RNF43: variants seen among roughly 807,000 people sequenced by gnomAD.
RNF43 encodes ring finger protein 43, also known as E3 ubiquitin-protein ligase RNF43.
Under a neutral mutation model 78.4 loss-of-function variants are expected in RNF43, and 37 were observed. The ratio of observed to expected loss-of-function variants is 0.47; its 90% CI spans 0.36 to 0.62. The LOEUF is 0.62. RNF43 is among the 20% of genes least tolerant of loss of function. RNF43 has a pLI of 0.00. For missense variants in RNF43, 774 were observed against 1,007.9 expected (o/e 0.77, Z 3.14); for synonymous variants, 347 against 395.0 (o/e 0.88, Z 1.44).
chr17:58,367,086 C>T (rs1158083436), intron 3 of RNF43, among the ~76,000 whole-genome samples: 4 of 149,478 alleles, frequency 2.7e-5, no homozygotes, highest in Admixed American at 6.7e-5. Flanking sequence ...CTGCAACTGC[C>T]GCCTCCTGGG....
chr17:58,406,462 G>A (rs1489377675), intron 2 of RNF43, among the ~76,000 whole-genome samples: 2 of 152,064 alleles, frequency 1.3e-5, no homozygotes, highest in Admixed American at 1.3e-4. Context: ...TTTCACAAAT[G>A]GAATATTCTG....
intron 3 of RNF43, among the ~76,000 whole-genome samples, chr17:58,365,758 T>C (rs568378241): frequency 6.6e-6 from 1 of 152,236 alleles, no homozygotes; most frequent in South Asian, 2.1e-4. Context: ...ATTTGGGTAC[T>C]GGAATTTGGA....
chr17:58,372,837 G>A (rs890366300), intron 2 of RNF43, among the ~76,000 whole-genome samples: 2 of 152,134 alleles, frequency 1.3e-5, no homozygotes, highest in African/African-American at 4.8e-5. Context: ...CGGGGTTGGG[G>A]AGCCACATTC....
intron 2 of RNF43, among the ~76,000 whole-genome samples, chr17:58,410,588 ACT>A (rs1974009203): frequency 6.6e-6 from 1 of 152,044 alleles, no homozygotes; most frequent in Non-Finnish European, 1.5e-5. Context: ...CATAGAAGGA[ACT>A]CTAACTTGAG....
intron 2 of RNF43, among the ~76,000 whole-genome samples, chr17:58,402,088 T>C (rs545118114): frequency 2.4e-4 from 37 of 152,334 alleles, no homozygotes; most frequent in African/African-American, 8.4e-4. Flanking sequence ...GTGGCAAAGA[T>C]AGACAATTGA....
At chr17:58,362,359 G>C (rs1408197868) in intron 6 of RNF43, among the ~76,000 whole-genome samples, 185 bp downstream of exon 6, 1 of 152,134 alleles carries the variant, frequency 6.6e-6, no homozygotes, top group Non-Finnish European at 1.5e-5. Context: ...TGGTGTATTT[G>C]TTGAATGGAT....
At chr17:58,370,332 T>C (rs1179028513) in intron 3 of RNF43, among the ~76,000 whole-genome samples, 8 of 152,126 alleles carry the variant, frequency 5.3e-5, no homozygotes, top group Admixed American at 5.2e-4. Flanking sequence ...CCTCCCAAAG[T>C]GCTGGGATTA....
chr17:58,385,427 C>G (rs1973411415), intron 2 of RNF43, among the ~76,000 whole-genome samples: 1 of 152,204 alleles, frequency 6.6e-6, no homozygotes, highest in Admixed American at 6.5e-5. Flanking sequence ...TTAACGGCAC[C>G]ACCATTTTCC....
intron 3 of RNF43, among the ~76,000 whole-genome samples, chr17:58,369,370 A>G (rs1019905872): frequency 6.6e-6 from 1 of 152,146 alleles, no homozygotes; most frequent in Non-Finnish European, 1.5e-5. Context: ...GGCCAGGTGA[A>G]TATCTTCACC....
rs1484732430 is a variant in RNF43 at position 58,358,111 on chromosome 17, G to A, written c.1665C>T (p.His555=). 1.2e-6 allele frequency: 2 copies of A among 1,612,326 alleles called. No individual in the cohort carries two copies. The highest frequency in any genetic ancestry group is 1.7e-6 in the Non-Finnish European group (2 of 1,179,270). The part of the protein sequence containing the change: ...SSHVHYHRHR[H]HHYKKRFQWH... ...ACTGGAACCGCTTTTTGTAGTGGTG[G>A]TGCCGGTGGCGGTGGTAGTGGACAT... The change falls in exon 9 of 10, where the codon CAC becomes CAT. Residue 555 remains histidine, a synonymous_variant. Coordinates refer to ENST00000407977, the MANE Select transcript of RNF43 (RefSeq NM_017763.6). The surrounding 1 kb of genome is among the most constrained non-coding windows in gnomAD (Gnocchi z 6.2).
chr17:58,363,498 C>T (rs1258766630), intron 4 of RNF43, 28 bp downstream of exon 4: 5 of 1,611,162 alleles, frequency 3.1e-6, no homozygotes, highest in South Asian at 1.1e-5. Context: ...CCAGCCCCCA[C>T]CTTGAACACG....
intron 3 of RNF43, among the ~76,000 whole-genome samples, chr17:58,366,477 C>G (rs2143488819): frequency 6.6e-6 from 1 of 152,340 alleles, no homozygotes; most frequent in Non-Finnish European, 1.5e-5. Context: ...ACTGGGCTGG[C>G]TGGGCCTGGG....
chr17:58,383,070 C>T (rs1000511132), intron 2 of RNF43, among the ~76,000 whole-genome samples: 2 of 152,224 alleles, frequency 1.3e-5, no homozygotes, highest in African/African-American at 4.8e-5. Context: ...CAGCTGTCTG[C>T]AGTGAACTTC....
At chr17:58,359,428 C>T (rs917148256) in intron 8 of RNF43, among the ~76,000 whole-genome samples, 11 of 149,746 alleles carry the variant, frequency 7.3e-5, no homozygotes, top group African/African-American at 2.7e-4. Context: ...AACCCTGTCT[C>T]TACTAAAAGT....
intron 6 of RNF43, among the ~76,000 whole-genome samples, chr17:58,362,117 A>G (rs1421438518): frequency 1.3e-5 from 2 of 151,198 alleles, no homozygotes; most frequent in Non-Finnish European, 3.0e-5. Flanking sequence ...AAACAAAAAA[A>G]AACCTTGTTC....
In RNF43 at chr17:58,417,047, CG is replaced by C. The variant is rs1974141533; in HGVS notation, c.-417del. ...GCGCTGTCGGGCCCACTGGAATCCACGGGGGTGAAACAAATTCAATTATGCT... is the reference window on the plus strand; with the variant it reads ...GCGCTGTCGGGCCCACTGGAATCCACGGGGTGAAACAAATTCAATTATGCT... On this transcript the variant is annotated 5_prime_UTR_variant, in exon 1 of 10. Transcript: ENST00000407977. 1 of 152,144 alleles carries C rather than the reference CG, an allele frequency of 6.6e-6. No individual in the cohort carries two copies. The highest frequency in any genetic ancestry group is 1.5e-5 in the Non-Finnish European group (1 of 68,046). 9.4% of individuals were successfully genotyped at this position (152,144 alleles called of 1,614,324 possible). A position where few individuals can be genotyped will look rare whatever the true frequency, so the allele number is the denominator to read the frequency against.
intron 5 of RNF43, 113 bp downstream of exon 5, chr17:58,363,162 A>AG: frequency 7.5e-7 from 1 of 1,329,636 alleles, no homozygotes; most frequent in Non-Finnish European, 1.0e-6. Context: ...GTTGGACTAG[A>AG]GGGTTTCCAG....
Position 58,358,138 on chromosome 17 carries a change from G to T in RNF43, c.1638C>A (p.Ser546Arg), listed in dbSNP as rs1412370549. The T allele has an allele frequency of 1.2e-6, 2 of 1,612,940 alleles. No individual in the cohort carries two copies. Among genetic ancestry groups the T allele is most frequent in the Admixed American group, 3.3e-5 (2 of 59,852 alleles). The change falls in exon 9 of 10, where the codon AGC (serine) becomes AGA (arginine). Residue 546 changes from serine to arginine, a missense_variant. Ser to Arg is a moderately radical substitution (Grantham distance 110). Coordinates refer to ENST00000407977, the MANE Select transcript of RNF43 (RefSeq NM_017763.6). The surrounding 1 kb of genome is among the most constrained non-coding windows in gnomAD (Gnocchi z 6.2). ...GCCGGTGGCGGTGGTAGTGGACATG[G>T]CTGGAAACCTGGGTTTCCCCTGTGG... Reference protein sequence around the residue: ...VVPTGETQVSSHVHYHRHRHH... With the variant: ...VVPTGETQVSRHVHYHRHRHH...
At chr17:58,356,229 AAAGG>A (rs1351941745) in intron 9 of RNF43, among the ~76,000 whole-genome samples, 4 of 152,216 alleles carry the variant, frequency 2.6e-5, no homozygotes, top group African/African-American at 7.2e-5. Flanking sequence ...AGAAGGAAAA[AAAGG>A]AAGGAAGGAG....
Sources: allele counts gnomAD v4.1 joint callset (sites outside exome capture counted in the v4.1 genomes callset), GRCh38; gene constraint gnomAD v4.1.1; non-coding constraint Gnocchi (gnomAD v3.1); transcripts MANE v1.5; gene names NCBI Gene and HGNC (gene_info 2026-07-23, HGNC 2026-07-21).